Variants in TET3 observed in about 807,000 individuals in gnomAD.
TET3 encodes methylcytosine dioxygenase TET3.
In TET3, 19 loss-of-function variants were observed where a neutral mutation model predicts 141.4. That is an observed-to-expected ratio of 0.13 (90% CI 0.09 to 0.20). The LOEUF (loss-of-function observed/expected upper bound fraction) is 0.20, where lower values mean the gene tolerates loss of function less well. Ranked by LOEUF, TET3 falls within the 10% of genes least tolerant of loss-of-function variation. The pLI, the probability that TET3 is intolerant of heterozygous loss-of-function variation, is 1.00. For synonymous variants in TET3, 1,043 were observed against 980.9 expected (o/e 1.06, Z -1.18); for missense variants, 1,874 against 2,356.9 (o/e 0.80, Z 4.24).
rs368220237 is a variant in TET3 at position 74,046,611 on chromosome 2, G to C, written c.694G>C (p.Ala232Pro). 2 of 1,613,946 alleles carry C rather than the reference G, an allele frequency of 1.2e-6. No individual in the cohort carries two copies. Among genetic ancestry groups the C allele is most frequent in the Non-Finnish European group, 1.7e-6 (2 of 1,179,908 alleles). The change falls in exon 4 of 12, where the codon GCT becomes CCT. Residue 232 changes from alanine (A) to proline (P), a missense_variant. Transcript: ENST00000409262. The surrounding 1 kb of genome is among the most constrained non-coding windows in gnomAD (Gnocchi z 4.3). ...CTTCAACCGTGAGATGAGTCGTGAG[G>C]CTGGGAACAACAGCAGGGGACCCCG... ...ETFNREMSRE[A>P]GNNSRGPRPG...
chr2:74,102,112 C>T lies in TET3; in HGVS notation c.5324C>T (p.Ser1775Leu), dbSNP rs1271748165. 6 of 1,491,890 alleles carry T rather than the reference C, an allele frequency of 4.0e-6. No homozygotes were observed. The highest frequency in any genetic ancestry group is 1.8e-4 in the Middle Eastern group (1 of 5,570). The allele number at this position is 1,491,890 out of a possible 1,614,324, so 92.4% of individuals were successfully genotyped here. ...CAGGCACTGGCTGTGCCCACAGACT[C>T]GGCGGTCACCGTGTCCTCCTATGCC... is the stretch of plus-strand genomic sequence containing the variant. ...TRQALAVPTD[S>L]AVTVSSYAYT... Residue 1775 changes from serine to leucine, a missense_variant, in exon 12 of 12, where the codon TCG (serine) becomes TTG (leucine). Around this residue, in one of 10 missense-constraint regions of TET3, gnomAD observed 113 missense variants for 114.3 expected, o/e 0.99. Coordinates refer to ENST00000409262, the MANE Select transcript of TET3 (RefSeq NM_001287491.2).
rs926368294 is a variant in TET3 at position 74,095,113 on chromosome 2, C to T, written c.3267+1447C>T. On this transcript the variant is annotated intron_variant, in intron 10 of 11. Coordinates refer to ENST00000409262, the MANE Select transcript of TET3 (RefSeq NM_001287491.2). ...AGACAGGGCTTCCAGGGGCTGAGGACGAGACAAGGGCACCAGCACATCTGC... is the reference window on the plus strand; with the variant it reads ...AGACAGGGCTTCCAGGGGCTGAGGATGAGACAAGGGCACCAGCACATCTGC... Among the ~76,000 whole-genome samples the T allele has an allele frequency of 2.0e-5, 3 of 152,206 alleles. No homozygotes were observed. The East Asian group carries it at 5.8e-4, about 29-fold the overall frequency.
At chr2:74,072,161 G>C (rs1328019215) in intron 4 of TET3, among the ~76,000 whole-genome samples, 1 of 152,176 alleles carries the variant, frequency 6.6e-6, no homozygotes, top group African/African-American at 2.4e-5. Flanking sequence ...CCTATTCTGA[G>C]TATTTCATAT....
intron 6 of TET3, among the ~76,000 whole-genome samples, chr2:74,081,854 C>A (rs966137909): frequency 6.6e-6 from 1 of 152,212 alleles, no homozygotes; most frequent in African/African-American, 2.4e-5. Context: ...TTTTAGTCAG[C>A]ATTGCAGAAT....
At chr2:74,126,137 T>A in the TET3 span, among the ~76,000 whole-genome samples, 1 of 152,184 alleles carries the variant, frequency 6.6e-6, no homozygotes, top group Non-Finnish European at 1.5e-5. Flanking sequence ...TAACCTATCA[T>A]GTCTATTTGA....
At chr2:74,045,786 A>G (rs2103667122) in intron 3 of TET3, among the ~76,000 whole-genome samples, 1 of 152,068 alleles carries the variant, frequency 6.6e-6, no homozygotes, top group South Asian at 2.1e-4. Context: ...TGGCTGACCC[A>G]TGGTCCAGGC....
At position 74,105,302 on chromosome 2, in the gene TET3, G is replaced by T. The variant is rs1225753339; in HGVS notation, c.*3126G>T. 2 of 398,434 alleles carry T rather than the reference G, an allele frequency of 5.0e-6. No homozygotes were observed. Among genetic ancestry groups the T allele is most frequent in the African/African-American group, 4.1e-5 (2 of 48,586 alleles). 24.7% of individuals were successfully genotyped at this position (398,434 alleles called of 1,614,324 possible). On this transcript the variant is annotated 3_prime_UTR_variant, in exon 12 of 12. Coordinates refer to ENST00000409262, the MANE Select transcript of TET3 (RefSeq NM_001287491.2). ...CCATCCACGTGCAGTGCAAACATTT[G>T]GTTCCTTTTCTGCTCTGTTTTGTTT...
At chr2:74,133,991 C>CA in the TET3 span, among the ~76,000 whole-genome samples, 1 of 152,138 alleles carries the variant, frequency 6.6e-6, no homozygotes, top group African/African-American at 2.4e-5. Context: ...GATCCCCCCC[C>CA]CTCGGCCTCT....
At chr2:74,027,946 G>A (rs1441157752) in intron 3 of TET3, among the ~76,000 whole-genome samples, 3 of 151,918 alleles carry the variant, frequency 2.0e-5, no homozygotes, top group Non-Finnish European at 4.4e-5. Flanking sequence ...ATGTATATAT[G>A]TATATGATTT....
chr2:74,050,437 GA>G (rs371652648), intron 4 of TET3, among the ~76,000 whole-genome samples: 1 of 147,722 alleles, frequency 6.8e-6, no homozygotes, highest in Non-Finnish European at 1.5e-5. Flanking sequence ...CCTTGTAAAG[GA>G]AAAAAAAAAG....
chr2:74,065,288 T>C (rs1688819767), intron 4 of TET3, among the ~76,000 whole-genome samples: 2 of 152,236 alleles, frequency 1.3e-5, no homozygotes, highest in African/African-American at 4.8e-5. Flanking sequence ...TTTCTCTTTT[T>C]TGAGCATCAT....
At chr2:74,117,200 C>A in the TET3 span, among the ~76,000 whole-genome samples, 1 of 152,092 alleles carries the variant, frequency 6.6e-6, no homozygotes, top group Non-Finnish European at 1.5e-5. Flanking sequence ...CCTCGGGCTC[C>A]CAAGTAGCTG....
At chr2:74,083,056 A>C (rs1380759456) in intron 6 of TET3, among the ~76,000 whole-genome samples, 2 of 152,132 alleles carry the variant, frequency 1.3e-5, no homozygotes, top group Non-Finnish European at 2.9e-5. Context: ...AGTGTGCCTC[A>C]CATGTTCTGC....
chr2:74,076,901 A>T (rs1689544839), intron 5 of TET3, among the ~76,000 whole-genome samples: 1 of 152,198 alleles, frequency 6.6e-6, no homozygotes. Context: ...AAGATTTTGG[A>T]GAAAGGAGGG....
At chr2:74,002,221 G>A (rs965150458) in intron 2 of TET3, among the ~76,000 whole-genome samples, 1 of 152,196 alleles carries the variant, frequency 6.6e-6, no homozygotes, top group Admixed American at 6.5e-5. Flanking sequence ...GCAGAATGGA[G>A]TAAAGGTTCG....
At chr2:74,060,154 A>T (rs1688426482) in intron 4 of TET3, among the ~76,000 whole-genome samples, 1 of 152,192 alleles carries the variant, frequency 6.6e-6, no homozygotes, top group South Asian at 2.1e-4. Flanking sequence ...CTCACCAGCA[A>T]ATGGTGCCAT....
At chr2:74,088,664 C>A (rs2104075109) in intron 7 of TET3, among the ~76,000 whole-genome samples, 1 of 151,954 alleles carries the variant, frequency 6.6e-6, no homozygotes, top group East Asian at 1.9e-4. Flanking sequence ...AAAACCCTGC[C>A]CTTATCAGAG....
At chr2:74,002,849 T>G (rs1573658280) in intron 2 of TET3, 40 of 536,948 alleles carry the variant, frequency 7.4e-5, no homozygotes, top group South Asian at 2.8e-4. Context: ...GGGCCGGGGG[T>G]CGCCGTCCTC....
At position 74,101,728 on chromosome 2, in the gene TET3, T is replaced by G; in HGVS notation, c.4940T>G (p.Leu1647Arg). The G allele has an allele frequency of 6.2e-7, 1 of 1,613,536 alleles. No homozygotes were observed. Among genetic ancestry groups the G allele is most frequent in the Non-Finnish European group, 8.5e-7 (1 of 1,179,886 alleles). The change falls in exon 12 of 12, where the codon CTG (leucine) becomes CGG (arginine). Residue 1647 changes from leucine (L) to arginine (R), a missense_variant. This residue lies in a region of TET3 where 41 missense variants were observed against 116.8 expected (regional missense o/e 0.35). Coordinates refer to ENST00000409262, the MANE Select transcript of TET3 (RefSeq NM_001287491.2). The surrounding 1 kb of genome is among the most constrained non-coding windows in gnomAD (Gnocchi z 8.5). ...ELWSDSEHNF[L>R]DENIGGVAVA... ...TGGTCGGACAGTGAACACAACTTCC[T>G]GGACGAGAACATCGGCGGCGTGGCC...
Sources: gnomAD v4.1 joint callset for allele counts (sites outside exome capture counted in the v4.1 genomes callset) on GRCh38, gnomAD v4.1.1 for gene constraint, gnomAD v4.1.1 regional missense constraint, Gnocchi (gnomAD v3.1) non-coding constraint, MANE v1.5 for transcripts, NCBI Gene and HGNC (gene_info 2026-07-23, HGNC 2026-07-21) for gene names.